AATF: variants seen among roughly 807,000 people sequenced by gnomAD.
AATF encodes protein AATF.
In AATF, 48 loss-of-function variants were observed where a neutral mutation model predicts 63.7. The observed-to-expected ratio is 0.75, with a 90% CI of 0.60 to 0.96. The LOEUF is 0.96. AATF is among the 40% of genes least tolerant of loss of function. The pLI is 0.00. For missense variants in AATF, 639 were observed against 685.7 expected, an observed-to-expected ratio of 0.93 and a Z score of 0.76; for synonymous variants, 258 against 247.7, an observed-to-expected ratio of 1.04 and a Z score of -0.39.
At chr17:36,975,056 A>C (rs2071069668) in intron 4 of AATF, among the ~76,000 whole-genome samples, 1 of 152,192 alleles carries the variant, frequency 6.6e-6, no homozygotes, top group Non-Finnish European at 1.5e-5. Context: ...CCTGCCCAAC[A>C]ATACTTAGTG....
chr17:36,969,666 G>A (rs1472921911), intron 4 of AATF, among the ~76,000 whole-genome samples: 2 of 152,184 alleles, frequency 1.3e-5, no homozygotes, highest in Non-Finnish European at 2.9e-5. Context: ...GGTTTGTTGA[G>A]ATATAATTGA....
At chr17:37,041,671 A>T (rs986841535) in intron 11 of AATF, among the ~76,000 whole-genome samples, 3 of 151,922 alleles carry the variant, frequency 2.0e-5, no homozygotes, top group Non-Finnish European at 2.9e-5. Flanking sequence ...ACACCCGGCT[A>T]ATTTTGTATT....
intron 8 of AATF, among the ~76,000 whole-genome samples, chr17:37,010,107 G>A (rs954885380): frequency 9.9e-5 from 15 of 152,244 alleles, no homozygotes; most frequent in African/African-American, 3.4e-4. Context: ...TGGTATGTGT[G>A]TGTGGTGGGG....
intron 8 of AATF, among the ~76,000 whole-genome samples, chr17:37,005,796 C>T (rs2071336680): frequency 6.6e-6 from 1 of 152,068 alleles, no homozygotes; most frequent in African/African-American, 2.4e-5. Context: ...AAAATCTAAA[C>T]AGCACCTTCT....
intron 1 of AATF, among the ~76,000 whole-genome samples, 188 bp downstream of exon 1, chr17:36,949,404 A>C (rs575046688): frequency 1.3e-5 from 2 of 152,058 alleles, no homozygotes; most frequent in South Asian, 2.1e-4. Context: ...TTTCACACGC[A>C]CTCGAAACTT....
intron 4 of AATF, among the ~76,000 whole-genome samples, chr17:36,978,305 T>C (rs1360940851): frequency 6.6e-6 from 1 of 152,170 alleles, no homozygotes; most frequent in East Asian, 1.9e-4. Context: ...CTCTTTCTTA[T>C]TTGATTTAAT....
intron 4 of AATF, among the ~76,000 whole-genome samples, chr17:36,976,787 T>C (rs901659334): frequency 5.9e-5 from 9 of 152,198 alleles, no homozygotes; most frequent in African/African-American, 2.2e-4. Flanking sequence ...TTAGTCTTAC[T>C]AGTATTAAAA....
intron 8 of AATF, among the ~76,000 whole-genome samples, chr17:37,008,737 T>G (rs1189244367): frequency 6.6e-6 from 1 of 152,138 alleles, no homozygotes; most frequent in African/African-American, 2.4e-5. Flanking sequence ...TGCATGCCTG[T>G]AGTCCCAGCT....
intron 11 of AATF, among the ~76,000 whole-genome samples, chr17:37,054,248 T>C (rs992370965): frequency 1.3e-5 from 2 of 152,174 alleles, no homozygotes; most frequent in African/African-American, 4.8e-5. Flanking sequence ...GGGTCTGCTT[T>C]GTCTGTCTCA....
intron 11 of AATF, among the ~76,000 whole-genome samples, chr17:37,032,243 T>C (rs1384997336): frequency 6.6e-6 from 1 of 152,236 alleles, no homozygotes; most frequent in African/African-American, 2.4e-5. Context: ...AAGAGCTTCC[T>C]CTTCTCCCTC....
At chr17:37,055,592 G>A (rs942807655) in intron 11 of AATF, 3 of 152,192 alleles carry the variant, frequency 2.0e-5, no homozygotes, top group Admixed American at 6.5e-5. Flanking sequence ...GAGAATATCC[G>A]AGCAGGTGTA....
chr17:36,952,890 G>C lies in AATF; in HGVS notation c.288G>C (p.Glu96Asp). 1 of 1,611,832 alleles carries C rather than the reference G, an allele frequency of 6.2e-7. No individual in the cohort carries two copies. The highest frequency in any genetic ancestry group is 8.5e-7 in the Non-Finnish European group (1 of 1,178,278). ...WEQTLPGSSD[E>D]EISDEEGSGD... ...TCTTCCCTCTCTTCTTTGTAGATGA[G>C]GAAATATCTGATGAGGAAGGGTCTG... Residue 96 changes from glutamate (E) to aspartate (D), a missense_variant, in exon 3 of 12, where the codon GAG becomes GAC. Physicochemically the swap from Glu to Asp is conservative, Grantham distance 45 (BLOSUM62 2). Coordinates refer to ENST00000619387, the MANE Select transcript of AATF (RefSeq NM_012138.4).
chr17:37,003,963 G>A (rs572558553), intron 8 of AATF, among the ~76,000 whole-genome samples: 10 of 152,170 alleles, frequency 6.6e-5, no homozygotes, highest in Middle Eastern at 3.4e-3. Flanking sequence ...AAATTAGCAG[G>A]GCATGGTGGC....
rs73286016 is a variant in AATF, at chr17:37,011,463, C to T, written c.1399-7542C>T. ...GGAGATGGAGAAAAGTGGACAAATTCGTGAATATAAGACTTGAGATAGTTG... is the reference window on the plus strand; with the variant it reads ...GGAGATGGAGAAAAGTGGACAAATTTGTGAATATAAGACTTGAGATAGTTG... On this transcript the variant is annotated intron_variant, in intron 8 of 11. Coordinates refer to ENST00000619387, the MANE Select transcript of AATF (RefSeq NM_012138.4). Among the ~76,000 whole-genome samples the T allele has an allele frequency of 1.5e-3, 222 of 152,132 alleles. 1 individual carries two copies. The highest frequency in any genetic ancestry group is 5.2e-3 in the African/African-American group (214 of 41,480).
intron 11 of AATF, 196 bp from the exon 12 acceptor site, chr17:37,056,405 T>G: frequency 1.7e-6 from 1 of 590,486 alleles, no homozygotes. Flanking sequence ...CACTGGACCA[T>G]TTACATATTT....
intron 10 of AATF, among the ~76,000 whole-genome samples, chr17:37,024,340 G>C (rs1239352177): frequency 6.6e-6 from 1 of 152,218 alleles, no homozygotes; most frequent in Non-Finnish European, 1.5e-5. Context: ...AAAAAGGTTT[G>C]TAAGCTTGAG....
intron 4 of AATF, among the ~76,000 whole-genome samples, chr17:36,956,309 G>C (rs890502073): frequency 1.3e-5 from 2 of 152,184 alleles, no homozygotes; most frequent in Non-Finnish European, 2.9e-5. Flanking sequence ...TTGAAGAGTA[G>C]CTAATTTTTC....
chr17:37,054,123 G>A (rs1286402436), intron 11 of AATF, among the ~76,000 whole-genome samples: 1 of 151,980 alleles, frequency 6.6e-6, no homozygotes, highest in African/African-American at 2.4e-5. Flanking sequence ...GCCAGGACCT[G>A]GAAAGAGGAA....
At chr17:37,021,947 T>C (rs1188379332) in intron 10 of AATF, among the ~76,000 whole-genome samples, 4 of 152,066 alleles carry the variant, frequency 2.6e-5, no homozygotes, top group African/African-American at 9.7e-5. Context: ...GTTAACAAAG[T>C]TATTAAATGA....
Sources: gnomAD v4.1 joint callset for allele counts (sites outside exome capture counted in the v4.1 genomes callset) on GRCh38, gnomAD v4.1.1 for gene constraint, MANE v1.5 for transcripts, NCBI Gene and HGNC (gene_info 2026-07-23, HGNC 2026-07-21) for gene names.